The following FAM47E variants were observed in gnomAD, a reference collection of about 807,000 sequenced individuals.
The protein encoded by FAM47E is family with sequence similarity 47 member E.
A neutral mutation model predicts 41.6 loss-of-function variants in FAM47E; 32 were observed. The ratio of observed to expected loss-of-function variants is 0.77; its 90% CI spans 0.58 to 1.03. The LOEUF is 1.03. FAM47E is among the 50% of genes least tolerant of loss of function. The probability of loss-of-function intolerance (pLI) is 0.00; values close to 1 mark genes in which losing one functional copy is unlikely to be tolerated. For synonymous variants in FAM47E, 184 were observed against 188.7 expected (o/e 0.98, Z 0.20); for missense variants, 424 against 485.4 (o/e 0.87, Z 1.19).
intron 2 of FAM47E, among the ~76,000 whole-genome samples, chr4:76,237,187 G>A (rs1424179496): frequency 2.0e-5 from 3 of 151,880 alleles, no homozygotes; most frequent in Admixed American, 6.6e-5. Context: ...GAGCCACCGC[G>A]CCTGGCCATA....
At position 76,278,066 on chromosome 4, in the gene FAM47E, C is replaced by T; in HGVS notation, c.871-3C>T. ...GCACTGGGAATTATGTTACTTTCCA[C>T]AGAATCCTTATAAGCCAAAGTGGGT... is the stretch of plus-strand genomic sequence containing the variant. On this transcript the variant is annotated splice_region_variant and splice_polypyrimidine_tract_variant and intron_variant, in intron 5 of 7. Transcript: ENST00000424749. The T allele has an allele frequency of 6.7e-7, 1 of 1,486,940 alleles. No homozygotes were observed. The highest frequency in any genetic ancestry group is 8.9e-7 in the Non-Finnish European group (1 of 1,122,826). The allele number at this position is 1,486,940 out of a possible 1,614,324, so 92.1% of individuals were successfully genotyped here.
At chr4:76,237,145 C>T (rs1451493271) in intron 2 of FAM47E, among the ~76,000 whole-genome samples, 1 of 151,788 alleles carries the variant, frequency 6.6e-6, no homozygotes, top group Admixed American at 6.6e-5. Context: ...TCCACCCGCC[C>T]CGGCCTCCCA....
intron 1 of FAM47E, among the ~76,000 whole-genome samples, chr4:76,216,980 TC>T (rs1277205468): frequency 6.6e-6 from 1 of 152,210 alleles, no homozygotes; most frequent in Non-Finnish European, 1.5e-5. Context: ...TCTGTTCAGT[TC>T]CATCTTCTCT....
chr4:76,276,285 GA>G (rs200157888), intron 5 of FAM47E, among the ~76,000 whole-genome samples: 2,944 of 152,148 alleles, frequency 0.019, 85 homozygotes, highest in African/African-American at 0.065. Flanking sequence ...ATATAGCATA[GA>G]AATGGTGATG....
intron 3 of FAM47E, among the ~76,000 whole-genome samples, chr4:76,264,451 C>T (rs1734546150): frequency 6.6e-6 from 1 of 151,998 alleles, no homozygotes; most frequent in Non-Finnish European, 1.5e-5. Flanking sequence ...CCTTCATTGA[C>T]CCTTCTCAAA....
At chr4:76,274,965 G>A (rs1735037980) in intron 5 of FAM47E, among the ~76,000 whole-genome samples, 1 of 152,208 alleles carries the variant, frequency 6.6e-6, no homozygotes, top group Non-Finnish European at 1.5e-5. Context: ...CTCCCTGAAG[G>A]CAGTGAGCTA....
intron 2 of FAM47E, among the ~76,000 whole-genome samples, chr4:76,260,114 A>G (rs543629900): frequency 2.8e-4 from 42 of 152,360 alleles, no homozygotes; most frequent in African/African-American, 1.0e-3. Flanking sequence ...GGAAGAATCA[A>G]TATTGTCAAA....
intron 7 of FAM47E, chr4:76,282,457 A>G (rs557892828): frequency 4.6e-5 from 7 of 152,270 alleles, no homozygotes; most frequent in Non-Finnish European, 1.5e-5. Flanking sequence ...TGGGATAGGA[A>G]TGTTGGTGAT....
At chr4:76,248,033 G>A (rs1472479097), upstream of FAM47E, among the ~76,000 whole-genome samples, 1 of 146,522 alleles carries the variant, frequency 6.8e-6, no homozygotes, top group Non-Finnish European at 1.5e-5. Flanking sequence ...TCCTGCCTCA[G>A]CCTCCCAAGT....
intron 5 of FAM47E, among the ~76,000 whole-genome samples, chr4:76,275,369 TCTTA>T (rs987992591): frequency 6.6e-6 from 1 of 152,230 alleles, no homozygotes; most frequent in African/African-American, 2.4e-5. Flanking sequence ...ATTAATTTGT[TCTTA>T]CTTCTAATCT....
chr4:76,257,710 G>A (rs1734248627), intron 2 of FAM47E, among the ~76,000 whole-genome samples: 2 of 151,912 alleles, frequency 1.3e-5, no homozygotes, highest in African/African-American at 2.4e-5. Flanking sequence ...CCTTTAGATC[G>A]ATGCTCAAAT....
upstream of FAM47E, among the ~76,000 whole-genome samples, chr4:76,247,932 T>TTTTTTTTA (rs1733864960): frequency 7.5e-6 from 1 of 133,764 alleles, no homozygotes; most frequent in Non-Finnish European, 1.6e-5. Flanking sequence ...TTTTTTTTTT[T>TTTTTTTTA]GAGACAGAGT....
At chr4:76,244,795 C>T (rs1328377433) in intron 2 of FAM47E, among the ~76,000 whole-genome samples, 1 of 152,120 alleles carries the variant, frequency 6.6e-6, no homozygotes, top group Non-Finnish European at 1.5e-5. Context: ...ACCTCGGCCT[C>T]CCAAAGTGTT....
At chr4:76,235,929 A>G (rs1181235336) in intron 2 of FAM47E, among the ~76,000 whole-genome samples, 1 of 152,230 alleles carries the variant, frequency 6.6e-6, no homozygotes, top group African/African-American at 2.4e-5. Context: ...AGGCACAGAG[A>G]AGTTAGATAA....
At position 76,283,366 on chromosome 4, in the gene FAM47E, C is replaced by G. The variant is rs1405841117; in HGVS notation, c.1105-15C>G. The G allele has an allele frequency of 6.7e-7, 1 of 1,500,992 alleles. No homozygotes were observed. Among genetic ancestry groups the G allele is most frequent in the Non-Finnish European group, 9.1e-7 (1 of 1,101,762 alleles). The allele number at this position is 1,500,992 out of a possible 1,614,324, so 93.0% of individuals were successfully genotyped here. A position where few individuals can be genotyped will look rare whatever the true frequency, so the allele number is the denominator to read the frequency against. On this transcript the variant is annotated splice_polypyrimidine_tract_variant and intron_variant, in intron 7 of 7. Coordinates refer to ENST00000424749, the MANE Select transcript of FAM47E (RefSeq NM_001136570.3). ...TGTTTGCCAATCTAATGAAGGTTCT[C>G]TCATTTTTTTTTAGTTCCTTGAGAA...
intron 2 of FAM47E, among the ~76,000 whole-genome samples, chr4:76,240,993 T>A (rs1245333835): frequency 1.3e-5 from 2 of 152,314 alleles, no homozygotes; most frequent in East Asian, 3.9e-4. Flanking sequence ...GTTTTTGTTG[T>A]TGTTGTTGTT....
intron 1 of FAM47E, among the ~76,000 whole-genome samples, chr4:76,252,838 A>G (rs1734029228): frequency 6.6e-6 from 1 of 152,194 alleles, no homozygotes; most frequent in South Asian, 2.1e-4. Context: ...TTACATAACG[A>G]TAGCACATTG....
At chr4:76,269,131 A>G (rs1734774688) in intron 4 of FAM47E, 2 of 218,534 alleles carry the variant, frequency 9.2e-6, no homozygotes, top group South Asian at 8.8e-5. Flanking sequence ...AGATTTACCT[A>G]GAAGTACTCT....
Position 76,256,224 on chromosome 4 carries a change from C to T in FAM47E, c.121C>T (p.His41Tyr). ...KNGLKFPTSL[H>Y]SRQLVFPRKG... ...CGGGCTGAAGTTCCCCACCTCTCTG[C>T]ACAGCCGGCAGTTGGTATTTCCAAG... Residue 41 changes from histidine (H) to tyrosine (Y), a missense_variant, in exon 2 of 8, where the codon CAC (histidine) becomes TAC (tyrosine). Transcript: ENST00000424749. The T allele has an allele frequency of 6.4e-7, 1 of 1,551,684 alleles. No homozygotes were observed. Among genetic ancestry groups the T allele is most frequent in the East Asian group, 2.4e-5 (1 of 40,924 alleles).
Sources: gnomAD v4.1 joint callset for allele counts (sites outside exome capture counted in the v4.1 genomes callset) on GRCh38, gnomAD v4.1.1 for gene constraint, MANE v1.5 for transcripts, NCBI Gene and HGNC (gene_info 2026-07-23, HGNC 2026-07-21) for gene names.